Variants in NDUFA5 observed in about 807,000 individuals in gnomAD.
The protein encoded by NDUFA5 is NADH:ubiquinone oxidoreductase subunit A5.
In NDUFA5, 11 loss-of-function variants were observed where a neutral mutation model predicts 19.8. The observed-to-expected ratio is 0.56, with a 90% CI of 0.35 to 0.92. The LOEUF is 0.92. NDUFA5 is among the 40% of genes least tolerant of loss of function. NDUFA5 has a pLI of 0.01. For missense variants in NDUFA5, 109 were observed against 134.2 expected, an observed-to-expected ratio of 0.81 and a Z score of 0.93; for synonymous variants, 47 against 46.8, an observed-to-expected ratio of 1.00 and a Z score of -0.01.
At chr7:123,557,506 C>G (rs780598273) in intron 1 of NDUFA5, 58 bp from the exon 2 acceptor site, 5 of 1,612,390 alleles carry the variant, frequency 3.1e-6, no homozygotes, top group South Asian at 1.1e-5. Flanking sequence ...ACATCCAGCA[C>G]GCTAAGGAAA....
intron 4 of NDUFA5, among the ~76,000 whole-genome samples, chr7:123,544,554 T>C (rs901359117): frequency 1.4e-5 from 2 of 148,008 alleles, no homozygotes; most frequent in Admixed American, 1.3e-4. Flanking sequence ...AAAAACCCCA[T>C]TTGAGAGGCA....
chr7:123,556,975 G>T (rs951330159), intron 2 of NDUFA5: 4 of 446,558 alleles, frequency 9.0e-6, no homozygotes, highest in African/African-American at 6.2e-5. Context: ...GGGTTTTTTT[G>T]ATGAAAACAT....
chr7:123,601,250 G>T, the NDUFA5 span, among the ~76,000 whole-genome samples: 41 of 152,012 alleles, frequency 2.7e-4, no homozygotes, highest in African/African-American at 9.7e-4. Flanking sequence ...TTTTTTGCTT[G>T]TTTTATTAAT....
At chr7:123,558,929 G>GA (rs1191772860), upstream of NDUFA5, among the ~76,000 whole-genome samples, 2 of 151,962 alleles carry the variant, frequency 1.3e-5, no homozygotes, top group African/African-American at 2.4e-5. Context: ...CATGAGACTA[G>GA]AAAAAATGAA....
chr7:123,584,803 A>G, the NDUFA5 span: 1 of 152,104 alleles, frequency 6.6e-6, no homozygotes, highest in African/African-American at 2.4e-5. Flanking sequence ...ACTTCAGTAA[A>G]ACTATGAAAC....
At chr7:123,543,152 A>G (rs1386839161) in intron 4 of NDUFA5, among the ~76,000 whole-genome samples, 1 of 152,246 alleles carries the variant, frequency 6.6e-6, no homozygotes, top group Non-Finnish European at 1.5e-5. Context: ...AATGGAAATC[A>G]GGGGTAGAGG....
At chr7:123,584,040 T>C in the NDUFA5 span, among the ~76,000 whole-genome samples, 1 of 151,968 alleles carries the variant, frequency 6.6e-6, no homozygotes, top group Non-Finnish European at 1.5e-5. Context: ...TCTCTATTTT[T>C]ATATGTGCAT....
the NDUFA5 span, among the ~76,000 whole-genome samples, chr7:123,565,726 C>T: frequency 2.0e-5 from 3 of 151,766 alleles, no homozygotes; most frequent in Admixed American, 2.0e-4. Context: ...ACTAAAAATA[C>T]AAAAGTTAGC....
At chr7:123,570,005 T>A in the NDUFA5 span, among the ~76,000 whole-genome samples, 1 of 149,528 alleles carries the variant, frequency 6.7e-6, no homozygotes, top group African/African-American at 2.4e-5. Context: ...CAACAATACC[T>A]AAAGTTTACA....
chr7:123,553,620 T>G (rs1333162309), intron 2 of NDUFA5, among the ~76,000 whole-genome samples: 1 of 152,060 alleles, frequency 6.6e-6, no homozygotes, highest in Admixed American at 6.6e-5. Context: ...GGGAAATACA[T>G]AGAGCAAAGA....
the NDUFA5 span, among the ~76,000 whole-genome samples, chr7:123,566,464 C>G: frequency 6.6e-6 from 1 of 152,150 alleles, no homozygotes; most frequent in Middle Eastern, 3.2e-3. Flanking sequence ...TAATAATATG[C>G]TCCCCTCTTC....
intron 2 of NDUFA5, chr7:123,555,609 A>G (rs1392573788): frequency 6.6e-6 from 1 of 152,196 alleles, no homozygotes; most frequent in Non-Finnish European, 1.5e-5. Context: ...CCATGAGTTC[A>G]GTTCTTTACA....
At chr7:123,595,604 GT>G in the NDUFA5 span, among the ~76,000 whole-genome samples, 1 of 152,108 alleles carries the variant, frequency 6.6e-6, no homozygotes, top group Admixed American at 6.5e-5. Context: ...AAACTTTTCA[GT>G]GACAGGAACT....
the NDUFA5 span, among the ~76,000 whole-genome samples, chr7:123,578,654 T>C: frequency 2.0e-5 from 3 of 152,082 alleles, no homozygotes; most frequent in African/African-American, 2.4e-5. Flanking sequence ...ATGAGAGAGA[T>C]TGCTGTTTAC....
Position 123,556,807 on chromosome 7 carries a change from T to C in NDUFA5, c.66+597A>G, listed in dbSNP as rs372299004. On this transcript the variant is annotated intron_variant, in intron 2 of 4. Transcript: ENST00000355749. ...ATTGGATTTGGCAGCATGGAGATAATTGGTGAACTTGAAAAACGCCAAGGG... is the reference window on the plus strand; with the variant it reads ...ATTGGATTTGGCAGCATGGAGATAACTGGTGAACTTGAAAAACGCCAAGGG... The C allele has an allele frequency of 1.5e-4, 75 of 494,772 alleles. 2 individuals carry two copies. Among genetic ancestry groups the C allele is most frequent in the African/African-American group, 5.2e-4 (26 of 50,378 alleles). The allele number at this position is 494,772 out of a possible 1,614,324, so 30.6% of individuals were successfully genotyped here. A position where few individuals can be genotyped will look rare whatever the true frequency, so the allele number is the denominator to read the frequency against.
chr7:123,539,833 T>C lies in NDUFA5; in HGVS notation c.*2286A>G, dbSNP rs753505329. 3 of 152,228 alleles carry C rather than the reference T, an allele frequency of 2.0e-5. No individual in the cohort carries two copies. The highest frequency in any genetic ancestry group is 6.5e-5 in the Admixed American group (1 of 15,284). 9.4% of individuals were successfully genotyped at this position (152,228 alleles called of 1,614,324 possible). A position where few individuals can be genotyped will look rare whatever the true frequency, so the allele number is the denominator to read the frequency against. ...AATCGTTTACTACTTCTGCTCATAT[T>C]TGTTCTTTACAGATAATTTTGACAG... On this transcript the variant is annotated 3_prime_UTR_variant, in exon 5 of 5. Transcript: ENST00000355749.
chr7:123,594,962 G>A, the NDUFA5 span, among the ~76,000 whole-genome samples: 363 of 152,248 alleles, frequency 2.4e-3, 1 homozygote, highest in African/African-American at 8.0e-3. Context: ...CTTCCCTGCC[G>A]CTTTGTTTAC....
chr7:123,586,919 G>A, the NDUFA5 span, among the ~76,000 whole-genome samples: 755 of 151,600 alleles, frequency 5.0e-3, 5 homozygotes, highest in Non-Finnish European at 7.6e-3. Flanking sequence ...TTTTATGAAA[G>A]TACTATATTG....
the NDUFA5 span, among the ~76,000 whole-genome samples, chr7:123,570,537 AAC>A: frequency 6.6e-6 from 1 of 152,096 alleles, no homozygotes; most frequent in Non-Finnish European, 1.5e-5. Context: ...AGGAAAGCCA[AAC>A]ACACTAAGAA....
Sources: allele counts gnomAD v4.1 joint callset (sites outside exome capture counted in the v4.1 genomes callset), GRCh38; gene constraint gnomAD v4.1.1; transcripts MANE v1.5; gene names NCBI Gene and HGNC (gene_info 2026-07-23, HGNC 2026-07-21).